The following RPS6KA1 variants were observed in gnomAD, a reference collection of about 807,000 sequenced individuals.
RPS6KA1 encodes the protein ribosomal protein S6 kinase A1.
RPS6KA1 carries 48 observed loss-of-function variants against 91.3 expected under a neutral mutation model. The observed-to-expected ratio is 0.53, with a 90% CI of 0.42 to 0.67. The LOEUF (loss-of-function observed/expected upper bound fraction) is 0.67. RPS6KA1 is among the 30% of genes least tolerant of loss of function. The pLI is 0.00. For synonymous variants in RPS6KA1, 359 were observed against 384.7 expected, an observed-to-expected ratio of 0.93 and a Z score of 0.78; for missense variants, 719 against 960.5, an observed-to-expected ratio of 0.75 and a Z score of 3.32.
chr1:26,537,367 G>A (rs1318632777), intron 2 of RPS6KA1, among the ~76,000 whole-genome samples: 10 of 152,204 alleles, frequency 6.6e-5, no homozygotes, highest in Admixed American at 2.0e-4. Context: ...ATCTGGGCAC[G>A]TGAGCTGGAA....
In RPS6KA1 at chr1:26,555,924, G is replaced by T. The variant is rs374964638; in HGVS notation, c.916+299G>T. 6.6e-6 allele frequency among the ~76,000 whole-genome samples: 1 copy of T among 152,186 alleles called. No individual in the cohort carries two copies. The highest frequency in any genetic ancestry group is 2.4e-5 in the African/African-American group (1 of 41,456). ...GCACAAGAGAAATAGCATGAGCTCAGGAGTCAGAAGGCATAGGTCCCAATC... is the reference window on the plus strand; with the variant it reads ...GCACAAGAGAAATAGCATGAGCTCATGAGTCAGAAGGCATAGGTCCCAATC... On this transcript the variant is annotated intron_variant, in intron 11 of 21. Transcript: ENST00000374168. This position sits in a 1 kb window ranked among gnomAD's most constrained non-coding sequence, Gnocchi z 4.3.
rs538195475 is a variant in RPS6KA1, at chr1:26,556,815, C to T, written c.981+97C>T. On this transcript the variant is annotated intron_variant, in intron 12 of 21. Coordinates refer to ENST00000374168, the MANE Select transcript of RPS6KA1 (RefSeq NM_002953.4). ...GGGGAGCCTCTGCCAGCGAGGGCCC[C>T]AGACGCAGGAGCAGAGGGTCACAGC... 3.5e-6 allele frequency: 5 copies of T among 1,446,270 alleles called. No individual in the cohort carries two copies. In the South Asian group the frequency reaches 5.7e-5, roughly 17 times the overall value. 89.6% of individuals were successfully genotyped at this position (1,446,270 alleles called of 1,614,324 possible).
Position 26,555,109 on chromosome 1 carries a change from G to T in RPS6KA1, c.757-42G>T. ...CTGGGAGGAGGCGGGAGGTGTGTCGGAGACAGGGATCAGAGCCTGAATAGA... is the reference window on the plus strand; with the variant it reads ...CTGGGAGGAGGCGGGAGGTGTGTCGTAGACAGGGATCAGAGCCTGAATAGA... On this transcript the variant is annotated intron_variant, in intron 9 of 21. Coordinates refer to ENST00000374168, the MANE Select transcript of RPS6KA1 (RefSeq NM_002953.4). This position sits in a 1 kb window ranked among gnomAD's most constrained non-coding sequence, Gnocchi z 4.3. The T allele has an allele frequency of 4.4e-6, 7 of 1,596,036 alleles. No individual in the cohort carries two copies. Among genetic ancestry groups the T allele is most frequent in the Non-Finnish European group, 6.0e-6 (7 of 1,163,924 alleles).
chr1:26,543,143 C>T lies in RPS6KA1; in HGVS notation c.109-3724C>T, dbSNP rs942752108. ...AGGAAGAGTAACGGGGCCCTCTGGT[C>T]ACCGGCTTGAGCCCCACCATGCAGA... On this transcript the variant is annotated intron_variant, in intron 2 of 21. Transcript: ENST00000374168. 3 of 1,535,410 alleles carry T rather than the reference C, an allele frequency of 2.0e-6. No individual in the cohort carries two copies. The African/African-American group carries it at 4.1e-5, about 21-fold the overall frequency.
At chr1:26,564,751 A>G (rs1319018711) in intron 17 of RPS6KA1, among the ~76,000 whole-genome samples, 1 of 149,964 alleles carries the variant, frequency 6.7e-6, no homozygotes, top group Non-Finnish European at 1.5e-5. Flanking sequence ...CCTCTTAACC[A>G]AAGCTCCAGT....
chr1:26,550,039 C>T (rs1402684780), intron 4 of RPS6KA1, among the ~76,000 whole-genome samples: 1 of 151,914 alleles, frequency 6.6e-6, no homozygotes, highest in East Asian at 1.9e-4. Context: ...GCCACCACGC[C>T]TAGCTAATTT....
At chr1:26,546,030 G>A (rs777606779) in intron 2 of RPS6KA1, 3 of 1,611,372 alleles carry the variant, frequency 1.9e-6, no homozygotes, top group Non-Finnish European at 2.5e-6. Context: ...CCCCCAGCGG[G>A]ACTCGGTGAG....
chr1:26,560,597 C>T, intron 14 of RPS6KA1, 129 bp from the exon 15 acceptor site: 1 of 1,212,150 alleles, frequency 8.2e-7, no homozygotes. Context: ...GTCACATGGC[C>T]AACACTCTAC....
At chr1:26,543,047 A>T (rs1402692002) in intron 2 of RPS6KA1, 6 of 1,121,522 alleles carry the variant, frequency 5.3e-6, no homozygotes, top group Non-Finnish European at 7.6e-6. Flanking sequence ...CTCCCTGCAG[A>T]GGGGGAAGTG....
At chr1:26,545,498 T>C (rs1288941993) in intron 2 of RPS6KA1, among the ~76,000 whole-genome samples, 2 of 152,128 alleles carry the variant, frequency 1.3e-5, no homozygotes, top group Non-Finnish European at 2.9e-5. Flanking sequence ...GTTGGGTGCC[T>C]GCTTCTGCCT....
At chr1:26,553,276 T>G in intron 6 of RPS6KA1, 115 bp from the exon 7 acceptor site, 2 of 664,938 alleles carry the variant, frequency 3.0e-6, no homozygotes, top group Non-Finnish European at 2.7e-6. Flanking sequence ...TGGCCTGGGG[T>G]TTCCAAGGGT....
At position 26,540,835 on chromosome 1, in the gene RPS6KA1, G is replaced by A. The variant is rs1040897253; in HGVS notation, c.108+3866G>A. ...GATGGAGTTTCACTTTTGTTGCCCA[G>A]GCTGGAGTGCAATGGCACGATCTTG... On this transcript the variant is annotated intron_variant, in intron 2 of 21. Transcript: ENST00000374168. This position sits in a 1 kb window ranked among gnomAD's most constrained non-coding sequence, Gnocchi z 4.2. Among the ~76,000 whole-genome samples, 12 of 152,218 alleles carry A rather than the reference G, an allele frequency of 7.9e-5. No individual in the cohort carries two copies. Among genetic ancestry groups the A allele is most frequent in the African/African-American group, 2.9e-4 (12 of 41,456 alleles).
intron 4 of RPS6KA1, among the ~76,000 whole-genome samples, chr1:26,549,653 C>A: frequency 6.7e-6 from 1 of 149,078 alleles, no homozygotes; most frequent in African/African-American, 2.5e-5. Flanking sequence ...ACACACTGCC[C>A]AAAATGAACC....
chr1:26,566,763 T>C (rs897969665), intron 17 of RPS6KA1, among the ~76,000 whole-genome samples: 2 of 152,198 alleles, frequency 1.3e-5, no homozygotes, highest in African/African-American at 4.8e-5. Context: ...TGATTTAATA[T>C]GTGGAGTCTT....
chr1:26,534,638 A>G (rs1373340952), intron 1 of RPS6KA1, among the ~76,000 whole-genome samples: 1 of 152,154 alleles, frequency 6.6e-6, no homozygotes, highest in Non-Finnish European at 1.5e-5. Context: ...TGTCAGGTGT[A>G]TATATTTATA....
At chr1:26,541,957 G>A (rs552734783) in intron 2 of RPS6KA1, among the ~76,000 whole-genome samples, 13 of 152,324 alleles carry the variant, frequency 8.5e-5, no homozygotes, top group Non-Finnish European at 1.5e-4. Context: ...TCCCTATGCG[G>A]GGGATGGGGC....
chr1:26,530,666 G>A (rs1484785143), intron 1 of RPS6KA1: 9 of 1,047,278 alleles, frequency 8.6e-6, no homozygotes, highest in African/African-American at 1.7e-5. Flanking sequence ...GCCCCTTCCG[G>A]TAGGAAGGGC....
chr1:26,572,919 C>T (rs1468650451), intron 20 of RPS6KA1, among the ~76,000 whole-genome samples: 1 of 152,196 alleles, frequency 6.6e-6, no homozygotes, highest in African/African-American at 2.4e-5. Context: ...GTGCAGAAGG[C>T]AAGTTTTGAA....
intron 2 of RPS6KA1, chr1:26,545,870 C>A: frequency 6.5e-7 from 1 of 1,549,084 alleles, no homozygotes; most frequent in South Asian, 1.2e-5. Context: ...TCTGCCTGCT[C>A]CTGCCATGGT....
Sources: gnomAD v4.1 joint callset for allele counts (sites outside exome capture counted in the v4.1 genomes callset) on GRCh38, gnomAD v4.1.1 for gene constraint, Gnocchi (gnomAD v3.1) non-coding constraint, MANE v1.5 for transcripts, NCBI Gene and HGNC (gene_info 2026-07-23, HGNC 2026-07-21) for gene names.